Variants in GPR137C observed in about 807,000 individuals in gnomAD.
GPR137C encodes integral membrane protein GPR137C.
Under a neutral mutation model 43.4 loss-of-function variants are expected in GPR137C, and 27 were observed. That is an observed-to-expected ratio of 0.62 (90% CI 0.46 to 0.86). GPR137C has a LOEUF of 0.86. Ranked by LOEUF, GPR137C falls within the 40% of genes least tolerant of loss-of-function variation. GPR137C has a pLI of 0.00. For synonymous variants in GPR137C, 285 were observed against 226.9 expected (o/e 1.26, Z -2.30); for missense variants, 522 against 534.6 (o/e 0.98, Z 0.23).
intron 1 of GPR137C, among the ~76,000 whole-genome samples, chr14:52,575,466 A>G (rs1381315801): frequency 1.3e-5 from 2 of 152,220 alleles, no homozygotes; most frequent in Non-Finnish European, 2.9e-5. Flanking sequence ...TAACAATCTG[A>G]AAAACAACAC....
At chr14:52,553,689 G>A (rs1217606215) in intron 1 of GPR137C, 98 bp downstream of exon 1, 1 of 936,854 alleles carries the variant, frequency 1.1e-6, no homozygotes, top group Non-Finnish European at 1.6e-6. Context: ...GGTGGGCAGC[G>A]AGAGGCGGAC....
chr14:52,585,552 G>A (rs1485605999), intron 1 of GPR137C, among the ~76,000 whole-genome samples: 1 of 152,206 alleles, frequency 6.6e-6, no homozygotes, highest in East Asian at 1.9e-4. Flanking sequence ...ACAAGACCAA[G>A]GCCAGGTATG....
intron 3 of GPR137C, among the ~76,000 whole-genome samples, chr14:52,603,476 T>C (rs1209974594): frequency 6.6e-6 from 1 of 152,198 alleles, no homozygotes; most frequent in Non-Finnish European, 1.5e-5. Context: ...GTGAGATTTC[T>C]GGATCATATG....
chr14:52,609,241 C>T (rs1050921186), intron 3 of GPR137C, among the ~76,000 whole-genome samples: 1 of 152,024 alleles, frequency 6.6e-6, no homozygotes, highest in African/African-American at 2.4e-5. Context: ...TTTTCAGCTC[C>T]TGAGTTTCTG....
At chr14:52,565,423 G>C (rs1362506959) in intron 1 of GPR137C, among the ~76,000 whole-genome samples, 1 of 151,976 alleles carries the variant, frequency 6.6e-6, no homozygotes, top group East Asian at 1.9e-4. Flanking sequence ...ATACCTTATG[G>C]AAAAATTACG....
intron 3 of GPR137C, among the ~76,000 whole-genome samples, chr14:52,623,853 C>A (rs2039189506): frequency 3.9e-5 from 6 of 151,908 alleles, no homozygotes; most frequent in Admixed American, 3.3e-4. Context: ...ACAAAATTTA[C>A]CATTTTAACC....
chr14:52,595,874 C>T (rs2038847965), intron 1 of GPR137C, among the ~76,000 whole-genome samples: 1 of 152,208 alleles, frequency 6.6e-6, no homozygotes, highest in Non-Finnish European at 1.5e-5. Context: ...CAAGGATCTG[C>T]TATCCTTTGG....
rs371493483 is a variant in GPR137C at position 52,559,501 on chromosome 14, A to G, written c.444+5910A>G. ...AAGAAGAATTTGACAAAATTCAACC[A>G]TAGATGATTTTTTAAAATTAACTTT... On this transcript the variant is annotated intron_variant, in intron 1 of 6. Coordinates refer to ENST00000321662, the MANE Select transcript of GPR137C (RefSeq NM_001099652.2). Among the ~76,000 whole-genome samples, 33 of 152,364 alleles carry G rather than the reference A, an allele frequency of 2.2e-4. No homozygotes were observed. In the East Asian group the frequency reaches 3.1e-3, roughly 14 times the overall value.
chr14:52,593,789 T>C (rs1157372967), intron 1 of GPR137C, among the ~76,000 whole-genome samples: 1 of 25,344 alleles, frequency 3.9e-5, no homozygotes, highest in Admixed American at 3.6e-4. Context: ...AGCTCCTGGA[T>C]TCATTGATTT....
intron 3 of GPR137C, chr14:52,612,132 A>C (rs930387646): frequency 1.0e-6 from 1 of 983,586 alleles, no homozygotes; most frequent in Non-Finnish European, 1.2e-6. Context: ...ATCCTTACTA[A>C]AAATGTATTT....
At chr14:52,590,563 A>G (rs986244147) in intron 1 of GPR137C, among the ~76,000 whole-genome samples, 1 of 152,202 alleles carries the variant, frequency 6.6e-6, no homozygotes, top group Non-Finnish European at 1.5e-5. Flanking sequence ...CTGCATTCAT[A>G]TTAAGTGCCC....
At chr14:52,608,299 A>G (rs1317386065) in intron 3 of GPR137C, among the ~76,000 whole-genome samples, 1 of 152,192 alleles carries the variant, frequency 6.6e-6, no homozygotes, top group Non-Finnish European at 1.5e-5. Flanking sequence ...CATGAGGCTT[A>G]CAAAAAATAT....
At chr14:52,581,691 T>C (rs1009588107) in intron 1 of GPR137C, among the ~76,000 whole-genome samples, 2 of 152,216 alleles carry the variant, frequency 1.3e-5, no homozygotes, top group Non-Finnish European at 2.9e-5. Context: ...GCAATTGATA[T>C]GGAAATTGGA....
At chr14:52,581,001 C>T (rs1454013028) in intron 1 of GPR137C, among the ~76,000 whole-genome samples, 1 of 150,946 alleles carries the variant, frequency 6.6e-6, no homozygotes, top group African/African-American at 2.4e-5. Flanking sequence ...GAGTTTGAGA[C>T]CAGCCTGGCC....
At chr14:52,559,899 G>A (rs549894317) in intron 1 of GPR137C, among the ~76,000 whole-genome samples, 113 of 152,260 alleles carry the variant, frequency 7.4e-4, no homozygotes, top group African/African-American at 2.5e-3. Flanking sequence ...GGTAGCTCAC[G>A]CCTTTAATCT....
intron 1 of GPR137C, among the ~76,000 whole-genome samples, chr14:52,571,218 A>G (rs1276917083): frequency 1.3e-5 from 2 of 152,212 alleles, no homozygotes. Context: ...AAACTGAACA[A>G]CCTGCTCCTG....
chr14:52,577,930 G>T (rs922565037), intron 1 of GPR137C, among the ~76,000 whole-genome samples: 1 of 151,852 alleles, frequency 6.6e-6, no homozygotes, highest in Non-Finnish European at 1.5e-5. Flanking sequence ...GTGCCACTGC[G>T]TTCCAGCCTG....
intron 3 of GPR137C, among the ~76,000 whole-genome samples, chr14:52,625,388 A>G (rs1377488440): frequency 6.7e-6 from 1 of 149,666 alleles, no homozygotes; most frequent in Non-Finnish European, 1.5e-5. Flanking sequence ...AGACTGAGGC[A>G]GGAGAATCGC....
intron 1 of GPR137C, among the ~76,000 whole-genome samples, chr14:52,593,101 G>A (rs2038805312): frequency 1.3e-5 from 2 of 152,156 alleles, no homozygotes; most frequent in Non-Finnish European, 2.9e-5. Flanking sequence ...TGTGGTTTTT[G>A]TCATTGGTTC....
Sources: allele counts gnomAD v4.1 joint callset (sites outside exome capture counted in the v4.1 genomes callset), GRCh38; gene constraint gnomAD v4.1.1; transcripts MANE v1.5; gene names NCBI Gene and HGNC (gene_info 2026-07-23, HGNC 2026-07-21).